PCDHA9: variants seen among roughly 807,000 people sequenced by gnomAD.
The protein encoded by PCDHA9 is protocadherin alpha 9, also known as protocadherin alpha-9.
PCDHA9 carries 62 observed loss-of-function variants against 62.0 expected under a neutral mutation model. The observed-to-expected ratio is 1.00, with a 90% CI of 0.81 to 1.23. The LOEUF (loss-of-function observed/expected upper bound fraction) is 1.23, where lower values mean the gene tolerates loss of function less well. PCDHA9 is among the 50% of genes most tolerant of loss of function. The pLI, the probability that PCDHA9 is intolerant of heterozygous loss-of-function variation, is 0.00. For missense variants in PCDHA9, 1,205 were observed against 1,249.8 expected (o/e 0.96, Z 0.54); for synonymous variants, 557 against 567.6 (o/e 0.98, Z 0.27).
At position 140,858,191 on chromosome 5, in the gene PCDHA9, C is replaced by T. The variant is rs782250673; in HGVS notation, c.2394+7302C>T. On this transcript the variant is annotated intron_variant, in intron 1 of 3. Transcript: ENST00000532602. ...CAGCTTGCTGGTGCTCACGCTGCTG[C>T]TGTACACTGCACTGAGGTGCTCGGC... 16 of 1,597,324 alleles carry T rather than the reference C, an allele frequency of 1.0e-5. 2 individuals carry two copies. In the Admixed American group the frequency reaches 2.7e-4, roughly 27 times the overall value.
chr5:141,003,151 C>T (rs1554258934), intron 3 of PCDHA9, among the ~76,000 whole-genome samples: 2 of 152,224 alleles, frequency 1.3e-5, no homozygotes, highest in African/African-American at 2.4e-5. Flanking sequence ...AGACTCTGAC[C>T]TGATCAATCC....
At chr5:140,999,182 G>T (rs1285087964) in intron 3 of PCDHA9, among the ~76,000 whole-genome samples, 4 of 152,204 alleles carry the variant, frequency 2.6e-5, no homozygotes, top group Non-Finnish European at 5.9e-5. Context: ...CTGATGGGGA[G>T]AGGGTCCTTG....
chr5:140,879,875 C>T (rs1040496825), intron 1 of PCDHA9, among the ~76,000 whole-genome samples: 39 of 152,326 alleles, frequency 2.6e-4, no homozygotes, highest in African/African-American at 8.7e-4. Flanking sequence ...TTCATGGTCA[C>T]ATTGCCTCCT....
At position 140,955,726 on chromosome 5, in the gene PCDHA9, C is replaced by A. The variant is rs934215613; in HGVS notation, c.2395-23223C>A. Among the ~76,000 whole-genome samples the A allele has an allele frequency of 8.5e-5, 13 of 152,264 alleles. No individual in the cohort carries two copies. In the South Asian group the frequency reaches 2.5e-3, roughly 29 times the overall value. Reference sequence around the variant, plus strand: ...AAGTTTAATAGGAATACCATTGAATCTATAAATTACTTTGAGCATTATTGC... The same window carrying A: ...AAGTTTAATAGGAATACCATTGAATATATAAATTACTTTGAGCATTATTGC... On this transcript the variant is annotated intron_variant, in intron 1 of 3. Coordinates refer to ENST00000532602, the MANE Select transcript of PCDHA9 (RefSeq NM_031857.2).
At chr5:140,896,116 A>G (rs2065393833) in intron 1 of PCDHA9, among the ~76,000 whole-genome samples, 1 of 152,044 alleles carries the variant, frequency 6.6e-6, no homozygotes, top group Admixed American at 6.6e-5. Context: ...TGGCCAATGT[A>G]CTGCATTTTA....
chr5:140,950,110 C>A (rs542585854), intron 1 of PCDHA9, among the ~76,000 whole-genome samples: 23 of 151,848 alleles, frequency 1.5e-4, no homozygotes, highest in African/African-American at 5.5e-4. Context: ...AAATCTCATA[C>A]AATACAAAAC....
chr5:140,925,570 A>G (rs531387558), intron 1 of PCDHA9, among the ~76,000 whole-genome samples: 1 of 152,008 alleles, frequency 6.6e-6, no homozygotes, highest in African/African-American at 2.4e-5. Flanking sequence ...TGGGTGCAGC[A>G]CACCAACATG....
chr5:140,868,978 C>T, intron 1 of PCDHA9: 2 of 1,484,292 alleles, frequency 1.3e-6, no homozygotes, highest in Non-Finnish European at 1.8e-6. Context: ...CTCCATCATA[C>T]CGGATGCCAC....
rs1554151138 is a variant in PCDHA9, at chr5:140,858,086, C to A, written c.2394+7197C>A. The A allele has an allele frequency of 2.5e-6, 4 of 1,597,802 alleles. 1 individual carries two copies. Among genetic ancestry groups the A allele is most frequent in the Non-Finnish European group, 2.6e-6 (3 of 1,167,670 alleles). On this transcript the variant is annotated intron_variant, in intron 1 of 3. Transcript: ENST00000532602. The stretch of plus-strand genomic sequence containing the variant: ...CAGCCAGGCACCCAAGGCCTCGTCG[C>A]GGGCTTCAGTGGGCGTGGCGCCCGA...
chr5:140,969,554 T>C (rs2096342030), intron 1 of PCDHA9: 12 of 1,222,074 alleles, frequency 9.8e-6, no homozygotes, highest in Non-Finnish European at 1.3e-5. Context: ...TGAAGCCTTG[T>C]CCATAAAATT....
At chr5:140,971,370 G>C (rs2096473492) in intron 1 of PCDHA9, among the ~76,000 whole-genome samples, 3 of 152,194 alleles carry the variant, frequency 2.0e-5, no homozygotes, top group African/African-American at 7.2e-5. Flanking sequence ...CCAGGAGAGT[G>C]CATGACTTTA....
At chr5:140,880,493 T>C (rs910431574) in intron 1 of PCDHA9, among the ~76,000 whole-genome samples, 31 of 152,204 alleles carry the variant, frequency 2.0e-4, no homozygotes, top group African/African-American at 7.2e-4. Context: ...AAGAGAGCAA[T>C]TGAATTTCTG....
At position 140,849,933 on chromosome 5, in the gene PCDHA9, C is replaced by G. The variant is rs2150458258; in HGVS notation, c.1438C>G (p.Arg480Gly). Reference protein sequence around the residue: ...PGCHIFTVSARDADAQENALV... With the variant: ...PGCHIFTVSAGDADAQENALV... Reference sequence around the variant, plus strand: ...CTGCCACATCTTCACGGTGTCTGCGCGGGACGCTGACGCGCAGGAGAACGC... The same window carrying G: ...CTGCCACATCTTCACGGTGTCTGCGGGGGACGCTGACGCGCAGGAGAACGC... The change falls in exon 1 of 4, where the codon CGG (arginine) becomes GGG (glycine). Residue 480 changes from arginine to glycine, a missense_variant. Arg to Gly is a moderately radical substitution (Grantham distance 125). Transcript: ENST00000532602. 8.1e-6 allele frequency: 13 copies of G among 1,598,002 alleles called. 1 individual carries two copies. In the African/African-American group the frequency reaches 1.2e-4, roughly 15 times the overall value.
At chr5:140,904,193 T>C (rs1554191351) in intron 1 of PCDHA9, among the ~76,000 whole-genome samples, 2 of 151,930 alleles carry the variant, frequency 1.3e-5, no homozygotes, top group Non-Finnish European at 2.9e-5. Flanking sequence ...TTCCCACCCT[T>C]TCCCCCTAAG....
At chr5:140,959,090 G>A (rs797041561) in intron 1 of PCDHA9, among the ~76,000 whole-genome samples, 2 of 151,986 alleles carry the variant, frequency 1.3e-5, no homozygotes, top group African/African-American at 2.4e-5. Flanking sequence ...CCTTGGTTTC[G>A]GACATTCAGC....
At chr5:140,941,321 T>C (rs1220701599) in intron 1 of PCDHA9, among the ~76,000 whole-genome samples, 5 of 62,540 alleles carry the variant, frequency 8.0e-5, no homozygotes, top group African/African-American at 2.0e-4. Context: ...TTCTTTCTCT[T>C]TTTTTTTTTT....
At chr5:140,950,127 GAC>G (rs1554219301) in intron 1 of PCDHA9, among the ~76,000 whole-genome samples, 2 of 151,794 alleles carry the variant, frequency 1.3e-5, no homozygotes, top group Non-Finnish European at 2.9e-5. Context: ...AAACCCACAA[GAC>G]ACAGTTATAA....
rs1422466475 is a variant in PCDHA9 at position 140,877,665 on chromosome 5, G to A, written c.2394+26776G>A. 5.0e-6 allele frequency: 8 copies of A among 1,613,522 alleles called. No homozygotes were observed. In the African/African-American group the frequency reaches 8.0e-5, roughly 16 times the overall value. On this transcript the variant is annotated intron_variant, in intron 1 of 3. Coordinates refer to ENST00000532602, the MANE Select transcript of PCDHA9 (RefSeq NM_031857.2). ...GCTCAGCGCCGCCCACCGTGAGCCGGTGCGCGCCGGGCAAGCCCACGCTGG... is the reference window on the plus strand; with the variant it reads ...GCTCAGCGCCGCCCACCGTGAGCCGATGCGCGCCGGGCAAGCCCACGCTGG...
At position 140,856,354 on chromosome 5, in the gene PCDHA9, C is replaced by T. The variant is rs2043948019; in HGVS notation, c.2394+5465C>T. On this transcript the variant is annotated intron_variant, in intron 1 of 3. Coordinates refer to ENST00000532602, the MANE Select transcript of PCDHA9 (RefSeq NM_031857.2). ...TGTGCGGGCGGAGCGTGGAGTGCAGCATCCACCTGGAGGTGATCGTGGACA... is the reference window on the plus strand; with the variant it reads ...TGTGCGGGCGGAGCGTGGAGTGCAGTATCCACCTGGAGGTGATCGTGGACA... The T allele has an allele frequency of 3.8e-6, 6 of 1,598,616 alleles. 1 individual carries two copies. Among genetic ancestry groups the T allele is most frequent in the African/African-American group, 2.7e-5 (2 of 74,434 alleles).
Sources: gnomAD v4.1 joint callset for allele counts (sites outside exome capture counted in the v4.1 genomes callset) on GRCh38, gnomAD v4.1.1 for gene constraint, MANE v1.5 for transcripts, NCBI Gene and HGNC (gene_info 2026-07-23, HGNC 2026-07-21) for gene names.